SLC8A1: variants seen among roughly 807,000 people sequenced by gnomAD.
The protein encoded by SLC8A1 is sodium/calcium exchanger 1.
In SLC8A1, 18 loss-of-function variants were observed where a neutral mutation model predicts 68.3. The observed-to-expected ratio is 0.26, with a 90% CI of 0.18 to 0.39. SLC8A1 has a LOEUF of 0.39. Among genes scored for constraint, SLC8A1 ranks in the 10% least tolerant of loss-of-function variants. SLC8A1 has a pLI of 1.00. For synonymous variants in SLC8A1, 475 were observed against 415.5 expected (o/e 1.14, Z -1.74); for missense variants, 985 against 1,156.7 (o/e 0.85, Z 2.15).
At chr2:40,173,291 A>T (rs1005074905) in intron 4 of SLC8A1, among the ~76,000 whole-genome samples, 3 of 151,142 alleles carry the variant, frequency 2.0e-5, no homozygotes, top group African/African-American at 4.8e-5. Flanking sequence ...ATAAAAGTTT[A>T]AAAAAAGGAG....
intron 2 of SLC8A1, among the ~76,000 whole-genome samples, chr2:40,304,185 G>T (rs973152645): frequency 1.3e-5 from 2 of 152,186 alleles, no homozygotes; most frequent in Non-Finnish European, 2.9e-5. Context: ...AGAGCCCCTG[G>T]AAAATCTGAC....
chr2:40,507,013 A>G (rs1194727298), intron 1 of SLC8A1, among the ~76,000 whole-genome samples: 2 of 152,148 alleles, frequency 1.3e-5, no homozygotes, highest in African/African-American at 2.4e-5. Context: ...CTAAATGCAC[A>G]ACTCACAAAA....
At chr2:40,479,164 G>A (rs1007841706) in intron 1 of SLC8A1, among the ~76,000 whole-genome samples, 2 of 152,198 alleles carry the variant, frequency 1.3e-5, no homozygotes, top group African/African-American at 4.8e-5. Context: ...ACATGTGACT[G>A]TTGTCGAATA....
intron 1 of SLC8A1, among the ~76,000 whole-genome samples, chr2:40,500,761 C>T (rs1489561484): frequency 7.1e-6 from 1 of 141,636 alleles, no homozygotes; most frequent in Non-Finnish European, 1.5e-5. Context: ...ATTACATAGA[C>T]ACTGAACCTA....
chr2:40,381,048 C>G (rs4952409), intron 2 of SLC8A1, among the ~76,000 whole-genome samples: 107,923 of 151,958 alleles, frequency 0.71, 39,909 homozygotes, highest in African/African-American at 0.92. Context: ...CCCCAAACCT[C>G]TTCATTTCCT....
At chr2:40,268,528 C>A (rs994308829) in intron 2 of SLC8A1, among the ~76,000 whole-genome samples, 4 of 152,170 alleles carry the variant, frequency 2.6e-5, no homozygotes, top group African/African-American at 4.8e-5. Context: ...TGGTACCCCC[C>A]ATTAATGTTA....
At position 40,384,242 on chromosome 2, in the gene SLC8A1, GC is replaced by G. The variant is rs1455128654; in HGVS notation, c.1808+44230del. The stretch of plus-strand genomic sequence containing the variant: ...ACTGCACTTTAGTCTGGGAGACCGA[GC>G]AAGACCCTGTCTCTAAAATAAATAA... On this transcript the variant is annotated intron_variant, in intron 2 of 7. Transcript: ENST00000406785. 9.2e-5 allele frequency among the ~76,000 whole-genome samples: 14 copies of G among 152,108 alleles called. 1 individual carries two copies. Among genetic ancestry groups the G allele is most frequent in the African/African-American group, 3.1e-4 (13 of 41,526 alleles).
At chr2:40,317,896 G>C (rs1403706611) in intron 2 of SLC8A1, among the ~76,000 whole-genome samples, 2 of 152,046 alleles carry the variant, frequency 1.3e-5, no homozygotes, top group African/African-American at 2.4e-5. Context: ...CACTCCTCGA[G>C]GTGGTATGTA....
At chr2:40,217,909 C>G (rs1383254398) in intron 2 of SLC8A1, among the ~76,000 whole-genome samples, 1 of 148,318 alleles carries the variant, frequency 6.7e-6, no homozygotes, top group Non-Finnish European at 1.5e-5. Flanking sequence ...TAGATTTGAT[C>G]TGGCAGCAGA....
At chr2:40,511,533 A>G (rs912013915) in intron 1 of SLC8A1, among the ~76,000 whole-genome samples, 4 of 152,114 alleles carry the variant, frequency 2.6e-5, no homozygotes, top group African/African-American at 9.7e-5. Flanking sequence ...TGGTGTTGTT[A>G]CTCTGTTCAT....
intron 1 of SLC8A1, among the ~76,000 whole-genome samples, chr2:40,505,778 CT>C (rs1706331480): frequency 6.6e-6 from 1 of 151,962 alleles, no homozygotes; most frequent in Non-Finnish European, 1.5e-5. Context: ...GTCAACGGAG[CT>C]TAAATAGGCA....
intron 2 of SLC8A1, among the ~76,000 whole-genome samples, chr2:40,350,622 G>T (rs1374773224): frequency 1.9e-5 from 2 of 104,026 alleles, no homozygotes; most frequent in Admixed American, 2.2e-4. Flanking sequence ...AAAAAAAAAG[G>T]CATTTCCATG....
chr2:40,473,900 C>A (rs757401075), intron 1 of SLC8A1, among the ~76,000 whole-genome samples: 1 of 152,088 alleles, frequency 6.6e-6, no homozygotes, highest in African/African-American at 2.4e-5. Context: ...ATTTAGTGAT[C>A]CTAATTTTAA....
At chr2:40,151,444 A>G (rs576364503) in intron 6 of SLC8A1, among the ~76,000 whole-genome samples, 91 of 152,300 alleles carry the variant, frequency 6.0e-4, no homozygotes, top group African/African-American at 2.1e-3. Context: ...AGTGCCAAGC[A>G]CTGTCTTAGG....
At chr2:40,237,311 TTC>T (rs1368686254) in intron 2 of SLC8A1, among the ~76,000 whole-genome samples, 1 of 152,102 alleles carries the variant, frequency 6.6e-6, no homozygotes, top group Non-Finnish European at 1.5e-5. Flanking sequence ...TTTCTTTTTA[TTC>T]TTTTTTCTCT....
At chr2:40,190,265 C>T (rs1421115868) in intron 2 of SLC8A1, among the ~76,000 whole-genome samples, 3 of 152,148 alleles carry the variant, frequency 2.0e-5, no homozygotes, top group Non-Finnish European at 4.4e-5. Flanking sequence ...ACTTTTCATT[C>T]TAGAAGCACA....
intron 2 of SLC8A1, among the ~76,000 whole-genome samples, chr2:40,310,988 A>C (rs1402473961): frequency 2.0e-5 from 3 of 152,146 alleles, no homozygotes; most frequent in African/African-American, 7.2e-5. Context: ...GTTCCTTTAC[A>C]TTTTAAATAA....
chr2:40,206,673 C>T (rs7588446), intron 2 of SLC8A1, among the ~76,000 whole-genome samples: 93,856 of 151,704 alleles, frequency 0.62, 30,060 homozygotes, highest in Non-Finnish European at 0.72. Flanking sequence ...GCAGAATGAG[C>T]TTTAGGCCTG....
chr2:40,399,972 A>G (rs772516284), intron 2 of SLC8A1, among the ~76,000 whole-genome samples: 3 of 152,212 alleles, frequency 2.0e-5, no homozygotes, highest in Non-Finnish European at 2.9e-5. Context: ...TATTTTACCT[A>G]TAGATTACAG....
Sources: gnomAD v4.1 joint callset for allele counts (sites outside exome capture counted in the v4.1 genomes callset) on GRCh38, gnomAD v4.1.1 for gene constraint, MANE v1.5 for transcripts, NCBI Gene and HGNC (gene_info 2026-07-23, HGNC 2026-07-21) for gene names.